The following AGTPBP1 variants were observed in gnomAD, a reference collection of about 807,000 sequenced individuals.
The protein encoded by AGTPBP1 is cytosolic carboxypeptidase 1.
AGTPBP1 carries 70 observed loss-of-function variants against 143.9 expected under a neutral mutation model. The ratio of observed to expected loss-of-function variants is 0.49; its 90% CI spans 0.40 to 0.59. AGTPBP1 has a LOEUF of 0.59. AGTPBP1 is among the 20% of genes least tolerant of loss of function. The pLI, the probability that AGTPBP1 is intolerant of heterozygous loss-of-function variation, is 0.00. For synonymous variants in AGTPBP1, 463 were observed against 500.2 expected, an observed-to-expected ratio of 0.93 and a Z score of 0.99; for missense variants, 1,229 against 1,464.5, an observed-to-expected ratio of 0.84 and a Z score of 2.62.
chr9:85,713,741 A>AT (rs1417138428), intron 1 of AGTPBP1, among the ~76,000 whole-genome samples: 2 of 152,060 alleles, frequency 1.3e-5, no homozygotes, highest in Non-Finnish European at 2.9e-5. Flanking sequence ...GACATACATA[A>AT]TTTTTTTTCA....
chr9:85,755,414 A>G, the AGTPBP1 span, among the ~76,000 whole-genome samples: 1 of 152,096 alleles, frequency 6.6e-6, no homozygotes, highest in East Asian at 1.9e-4. Context: ...TGTTTTGGAG[A>G]TCTTTTCAGC....
At chr9:85,717,594 C>T (rs1451051959) in intron 1 of AGTPBP1, among the ~76,000 whole-genome samples, 1 of 152,064 alleles carries the variant, frequency 6.6e-6, no homozygotes, top group Non-Finnish European at 1.5e-5. Flanking sequence ...AAGCTAACCC[C>T]CAAGTGACAA....
chr9:85,681,483 T>C (rs191763728), intron 3 of AGTPBP1, 148 bp from the exon 4 acceptor site: 2 of 630,950 alleles, frequency 3.2e-6, no homozygotes, highest in Admixed American at 6.2e-5. Flanking sequence ...CCCTCTGATG[T>C]TGCTAATTCT....
rs1245325032 is a variant in AGTPBP1, at chr9:85,630,387, C to CTTATTTATTTATTTATTTAT, written c.2015+2274_2015+2275insATAAATAAATAAATAAATAA. Among the ~76,000 whole-genome samples, 968 of 144,316 alleles carry CTTATTTATTTATTTATTTAT rather than the reference C, an allele frequency of 6.7e-3. 12 individuals are homozygous for CTTATTTATTTATTTATTTAT. Among genetic ancestry groups the CTTATTTATTTATTTATTTAT allele is most frequent in the African/African-American group, 0.024 (914 of 37,478 alleles). 94.7% of individuals were successfully genotyped at this position (144,316 alleles called of 152,430 possible). A position where few individuals can be genotyped will look rare whatever the true frequency, so the allele number is the denominator to read the frequency against. On this transcript the variant is annotated intron_variant, in intron 14 of 25. Coordinates refer to ENST00000357081, the MANE Select transcript of AGTPBP1 (RefSeq NM_001330701.2). ...CTTACAGGATTGACTTACTTACTTACTTACTTATTTATTTAGTTATTTATT... is the reference window on the plus strand; with the variant it reads ...CTTACAGGATTGACTTACTTACTTACTTATTTATTTATTTATTTATTTACTTATTTATTTAGTTATTTATT...
chr9:85,547,061 C>G lies in AGTPBP1; in HGVS notation c.*48G>C. The G allele has an allele frequency of 1.3e-6, 2 of 1,487,596 alleles. No individual in the cohort carries two copies. Among genetic ancestry groups the G allele is most frequent in the Non-Finnish European group, 1.8e-6 (2 of 1,117,780 alleles). 92.1% of individuals were successfully genotyped at this position (1,487,596 alleles called of 1,614,324 possible). On this transcript the variant is annotated 3_prime_UTR_variant, in exon 26 of 26. Transcript: ENST00000357081. ...CTCAAGCTTCCTGGGAAATAAAAACCAAGATATTTCATTTATTCTTTGCAG... is the reference window on the plus strand; with the variant it reads ...CTCAAGCTTCCTGGGAAATAAAAACGAAGATATTTCATTTATTCTTTGCAG...
chr9:85,610,242 C>T (rs781368455), intron 17 of AGTPBP1, among the ~76,000 whole-genome samples: 8 of 151,966 alleles, frequency 5.3e-5, no homozygotes, highest in Non-Finnish European at 1.0e-4. Flanking sequence ...ACTGAAGCTC[C>T]AAGTCACTAA....
chr9:85,572,285 G>A (rs374777345), intron 25 of AGTPBP1, among the ~76,000 whole-genome samples: 3 of 151,946 alleles, frequency 2.0e-5, no homozygotes, highest in African/African-American at 7.2e-5. Flanking sequence ...TGCCCACCTC[G>A]GCCTTCCAAA....
At chr9:85,583,660 A>C (rs559327640) in intron 23 of AGTPBP1, among the ~76,000 whole-genome samples, 7 of 152,288 alleles carry the variant, frequency 4.6e-5, no homozygotes, top group Admixed American at 2.6e-4. Context: ...AGTTCATTTT[A>C]TCTCTTACAA....
chr9:85,555,752 A>C (rs1826300511), intron 25 of AGTPBP1, among the ~76,000 whole-genome samples: 1 of 152,222 alleles, frequency 6.6e-6, no homozygotes, highest in South Asian at 2.1e-4. Flanking sequence ...TTCAAAAGTG[A>C]AGGTGAAATA....
At chr9:85,565,083 A>C (rs900972382) in intron 25 of AGTPBP1, among the ~76,000 whole-genome samples, 9 of 152,186 alleles carry the variant, frequency 5.9e-5, no homozygotes, top group African/African-American at 1.9e-4. Flanking sequence ...GTGAGACATA[A>C]ATTTCTGTCA....
intron 2 of AGTPBP1, among the ~76,000 whole-genome samples, chr9:85,701,028 G>A (rs1288033308): frequency 6.6e-6 from 1 of 151,068 alleles, no homozygotes; most frequent in Non-Finnish European, 1.5e-5. Flanking sequence ...AGGGATTCTC[G>A]TGCCTCAGCC....
intron 17 of AGTPBP1, among the ~76,000 whole-genome samples, chr9:85,616,976 A>G (rs1361603650): frequency 6.6e-6 from 1 of 152,098 alleles, no homozygotes; most frequent in Non-Finnish European, 1.5e-5. Context: ...CCATTTAAAA[A>G]TCTTAGAAAA....
chr9:85,632,501 C>T (rs569033627), intron 14 of AGTPBP1, among the ~76,000 whole-genome samples, 161 bp downstream of exon 14: 2 of 152,242 alleles, frequency 1.3e-5, no homozygotes, highest in South Asian at 4.1e-4. Context: ...CCAACAAGGA[C>T]AATTTCAAAA....
intron 8 of AGTPBP1, among the ~76,000 whole-genome samples, chr9:85,666,983 T>C (rs771613180): frequency 1.3e-5 from 2 of 152,072 alleles, no homozygotes; most frequent in African/African-American, 4.8e-5. Context: ...AGATGCTAAA[T>C]ATTATTACAA....
At chr9:85,574,587 A>G (rs1044342602) in intron 25 of AGTPBP1, among the ~76,000 whole-genome samples, 13 of 152,276 alleles carry the variant, frequency 8.5e-5, no homozygotes, top group African/African-American at 2.9e-4. Flanking sequence ...TGGCAGATGT[A>G]GTTCAATTTT....
chr9:85,716,864 A>G (rs1442208922), intron 1 of AGTPBP1, among the ~76,000 whole-genome samples: 1 of 152,196 alleles, frequency 6.6e-6, no homozygotes, highest in Non-Finnish European at 1.5e-5. Flanking sequence ...GAATACCCCC[A>G]GTCCTTACCT....
At chr9:85,681,820 G>A (rs1057374077) in intron 3 of AGTPBP1, among the ~76,000 whole-genome samples, 3 of 130,132 alleles carry the variant, frequency 2.3e-5, no homozygotes, top group South Asian at 2.4e-4. Context: ...CGCAATCTCC[G>A]CTCACTACAA....
intron 25 of AGTPBP1, among the ~76,000 whole-genome samples, chr9:85,551,516 T>C (rs1309570942): frequency 6.6e-6 from 1 of 152,202 alleles, no homozygotes; most frequent in East Asian, 1.9e-4. Flanking sequence ...AACTGTGACT[T>C]ACCCATCTGA....
intron 13 of AGTPBP1, among the ~76,000 whole-genome samples, chr9:85,639,506 T>A (rs1333144437): frequency 6.6e-6 from 1 of 152,150 alleles, no homozygotes; most frequent in Non-Finnish European, 1.5e-5. Flanking sequence ...CACAGCACTT[T>A]AAACATTATT....
Sources: allele counts gnomAD v4.1 joint callset (sites outside exome capture counted in the v4.1 genomes callset), GRCh38; gene constraint gnomAD v4.1.1; transcripts MANE v1.5; gene names NCBI Gene and HGNC (gene_info 2026-07-23, HGNC 2026-07-21).